The following RIC3 variants were observed in gnomAD, a reference collection of about 807,000 sequenced individuals.
RIC3 encodes protein RIC-3.
Under a neutral mutation model 27.3 loss-of-function variants are expected in RIC3, and 28 were observed. The ratio of observed to expected loss-of-function variants is 1.02; its 90% CI spans 0.76 to 1.41. The LOEUF (loss-of-function observed/expected upper bound fraction) is 1.41, where lower values mean the gene tolerates loss of function less well. Ranked by LOEUF, RIC3 falls within the 40% of genes most tolerant of loss-of-function variation. The pLI, the probability that RIC3 is intolerant of heterozygous loss-of-function variation, is 0.00. For missense variants in RIC3, 501 were observed against 444.7 expected, an observed-to-expected ratio of 1.13 and a Z score of -1.14; for synonymous variants, 184 against 160.4, an observed-to-expected ratio of 1.15 and a Z score of -1.11.
Position 8,140,181 on chromosome 11 carries a change from C to T in RIC3, c.137G>A (p.Arg46Gln), listed in dbSNP as rs548727579. The T allele has an allele frequency of 1.6e-5, 25 of 1,611,228 alleles. No individual in the cohort carries two copies. The highest frequency in any genetic ancestry group is 8.9e-5 in the East Asian group (4 of 44,838). The change falls in exon 2 of 6, where the codon CGA (arginine) becomes CAA (glutamine). Residue 46 changes from arginine (R) to glutamine (Q), a missense_variant. By Grantham distance (43) the Arg-to-Gln change is conservative (BLOSUM62 1). Transcript: ENST00000309737. Reference protein sequence around the residue: ...PPPTPEGKLGRFPPMMHHHQA... With the variant: ...PPPTPEGKLGQFPPMMHHHQA... ...GTGATGATGCATCATAGGTGGAAAT[C>T]GGCCCAATTTTCCTGAGAAAATAAT...
chr11:8,121,751 ATT>A (rs1383780790), intron 5 of RIC3, among the ~76,000 whole-genome samples: 1 of 152,120 alleles, frequency 6.6e-6, no homozygotes, highest in Non-Finnish European at 1.5e-5. Flanking sequence ...TTTCAATCAT[ATT>A]TGTTATAAAT....
downstream of RIC3, chr11:8,104,545 T>C (rs569976126): frequency 6.6e-6 from 1 of 152,304 alleles, no homozygotes; most frequent in Admixed American, 6.5e-5. Flanking sequence ...GGAATAAGGA[T>C]GTTGTTATGA....
At position 8,110,885 on chromosome 11, in the gene RIC3, T is replaced by C. The variant is rs1414236080; in HGVS notation, c.923A>G (p.His308Arg). ...PKPETCSCCF[H>R]EDEDPAVLAE... ...CAAGACAGCAGGATCCTCGTCTTCATGAAAACAGCAGGAACATGTTTCTGG... is the reference window on the plus strand; with the variant it reads ...CAAGACAGCAGGATCCTCGTCTTCACGAAAACAGCAGGAACATGTTTCTGG... The change falls in exon 6 of 6, where the codon CAT becomes CGT. Residue 308 changes from histidine (H) to arginine (R), a missense_variant. His to Arg is a conservative substitution (Grantham distance 29, BLOSUM62 0). Transcript: ENST00000309737. 6.2e-7 allele frequency: 1 copy of C among 1,614,102 alleles called. No homozygotes were observed. Among genetic ancestry groups the C allele is most frequent in the East Asian group, 2.2e-5 (1 of 44,898 alleles).
chr11:8,096,585 A>G, the RIC3 span: 1 of 794,964 alleles, frequency 1.3e-6, no homozygotes, highest in Non-Finnish European at 2.2e-6. Flanking sequence ...GTGGGGGTAC[A>G]GGTGAGTCAG....
chr11:8,115,968 G>C (rs1945821289), intron 5 of RIC3, among the ~76,000 whole-genome samples: 1 of 152,160 alleles, frequency 6.6e-6, no homozygotes, highest in Non-Finnish European at 1.5e-5. Context: ...AACAAAGCCA[G>C]AGGCATCACA....
At chr11:8,127,335 G>A (rs2133640607) in intron 4 of RIC3, among the ~76,000 whole-genome samples, 2 of 152,300 alleles carry the variant, frequency 1.3e-5, no homozygotes, top group Middle Eastern at 6.8e-3. Context: ...GGGTGATTTT[G>A]AAAATTCAAT....
In RIC3 at chr11:8,110,559, T is replaced by C. The variant is rs1198513427; in HGVS notation, c.*139A>G. 1 of 785,862 alleles carries C rather than the reference T, an allele frequency of 1.3e-6. No individual in the cohort carries two copies. Among genetic ancestry groups the C allele is most frequent in the Admixed American group, 1.9e-5 (1 of 53,210 alleles). The allele number at this position is 785,862 out of a possible 1,614,324, so 48.7% of individuals were successfully genotyped here. On this transcript the variant is annotated 3_prime_UTR_variant, in exon 6 of 6. Transcript: ENST00000309737. ...GTGTGTGAGCACCAGGAAGGATACA[T>C]GATATCCATGATAGTGGCCTGATAG...
the RIC3 span, chr11:8,100,671 A>G: frequency 1.9e-6 from 3 of 1,550,730 alleles, no homozygotes; most frequent in Non-Finnish European, 2.7e-6. Context: ...TAAGGGCAGA[A>G]CTCCAGCTGA....
intron 1 of RIC3, among the ~76,000 whole-genome samples, chr11:8,167,102 C>T (rs1951759933): frequency 6.6e-6 from 1 of 152,166 alleles, no homozygotes; most frequent in Non-Finnish European, 1.5e-5. Context: ...TCAGTAGCTT[C>T]TCCTTGTCAA....
chr11:8,138,732 G>T, intron 2 of RIC3: 1 of 221,806 alleles, frequency 4.5e-6, no homozygotes, highest in Non-Finnish European at 8.6e-6. Flanking sequence ...TATTTGCCCT[G>T]GCATGCTTAT....
chr11:8,142,824 C>T (rs368329448), intron 1 of RIC3, among the ~76,000 whole-genome samples: 1 of 97,352 alleles, frequency 1.0e-5, no homozygotes, highest in Non-Finnish European at 1.8e-5. Flanking sequence ...AAAAGCTTAT[C>T]CACCATGATC....
chr11:8,100,589 C>G, the RIC3 span: 1 of 1,613,962 alleles, frequency 6.2e-7, no homozygotes, highest in Non-Finnish European at 8.5e-7. Context: ...GAGTCTCTAT[C>G]CGCCCCCGCA....
Position 8,118,224 on chromosome 11 carries a change from C to CAA in RIC3, c.671-7089_671-7088dup, listed in dbSNP as rs989594446. Among the ~76,000 whole-genome samples the CAA allele has an allele frequency of 5.5e-3, 254 of 45,954 alleles. 1 individual carries two copies. Among genetic ancestry groups the CAA allele is most frequent in the African/African-American group, 0.016 (235 of 14,266 alleles). The allele number at this position is 45,954 out of a possible 152,430, so 30.1% of individuals were successfully genotyped here. A position where few individuals can be genotyped will look rare whatever the true frequency, so the allele number is the denominator to read the frequency against. On this transcript the variant is annotated intron_variant, in intron 5 of 5. Transcript: ENST00000309737. Reference sequence around the variant, plus strand: ...GGCATGACAGAGCAAGGTTCCATCTCAAAAAAAAAAAAAAAAAAAGACCAT... The same window carrying CAA: ...GGCATGACAGAGCAAGGTTCCATCTCAAAAAAAAAAAAAAAAAAAAAGACCAT...
intron 1 of RIC3, among the ~76,000 whole-genome samples, chr11:8,164,747 C>A (rs1414754851): frequency 7.3e-6 from 1 of 137,120 alleles, no homozygotes; most frequent in African/African-American, 2.7e-5. Context: ...CACTGTATTC[C>A]AGCCTGTGCA....
At chr11:8,141,841 GCAAT>G (rs1284461886) in intron 1 of RIC3, among the ~76,000 whole-genome samples, 1 of 152,192 alleles carries the variant, frequency 6.6e-6, no homozygotes, top group South Asian at 2.1e-4. Flanking sequence ...AGACCACAGT[GCAAT>G]CAAACTAGAA....
chr11:8,097,209 C>A, the RIC3 span: 1 of 1,613,530 alleles, frequency 6.2e-7, no homozygotes, highest in South Asian at 1.1e-5. Context: ...GCTCAGGCAC[C>A]TATTCTGCAT....
chr11:8,093,991 T>C, the RIC3 span: 1 of 1,609,696 alleles, frequency 6.2e-7, no homozygotes, highest in East Asian at 2.2e-5. Context: ...GTGGGAGCTC[T>C]GGTCTCACCC....
Position 8,108,846 on chromosome 11 carries a change from A to G in RIC3, c.*1852T>C, listed in dbSNP as rs1454367424. 6.6e-6 allele frequency: 1 copy of G among 152,260 alleles called. No individual in the cohort carries two copies. The highest frequency in any genetic ancestry group is 1.5e-5 in the Non-Finnish European group (1 of 68,048). 9.4% of individuals were successfully genotyped at this position (152,260 alleles called of 1,614,324 possible). On this transcript the variant is annotated 3_prime_UTR_variant, in exon 6 of 6. Coordinates refer to ENST00000309737, the MANE Select transcript of RIC3 (RefSeq NM_001206671.4). ...TATTTATCTCTAATAAGGGAATCCT[A>G]TCCTAAGGCCAAAAGTAAACCTGAG...
At chr11:8,093,985 G>A in the RIC3 span, 1 of 1,606,406 alleles carries the variant, frequency 6.2e-7, no homozygotes, top group African/African-American at 1.3e-5. Context: ...GTTCAGGTGG[G>A]AGCTCTGGTC....
Sources: allele counts gnomAD v4.1 joint callset (sites outside exome capture counted in the v4.1 genomes callset), GRCh38; gene constraint gnomAD v4.1.1; transcripts MANE v1.5; gene names NCBI Gene and HGNC (gene_info 2026-07-23, HGNC 2026-07-21).